Variants in ASPSCR1 observed in about 807,000 individuals in gnomAD.
ASPSCR1 encodes ASPSCR1 tether for SLC2A4, UBX domain containing.
In ASPSCR1, 55 loss-of-function variants were observed where a neutral mutation model predicts 68.9. That is an observed-to-expected ratio of 0.80 (90% CI 0.64 to 1.00). ASPSCR1 has a LOEUF of 1.00. Among genes scored for constraint, ASPSCR1 ranks in the 50% least tolerant of loss-of-function variants. The pLI, the probability that ASPSCR1 is intolerant of heterozygous loss-of-function variation, is 0.00. For synonymous variants in ASPSCR1, 352 were observed against 332.6 expected, an observed-to-expected ratio of 1.06 and a Z score of -0.63; for missense variants, 765 against 762.2, an observed-to-expected ratio of 1.00 and a Z score of -0.04.
intron 1 of ASPSCR1, chr17:81,978,939 ACT>A: frequency 1.7e-6 from 1 of 577,040 alleles, no homozygotes; most frequent in Non-Finnish European, 3.1e-6. Flanking sequence ...CTGCAGGGGA[ACT>A]CTGAGTGGAG....
intron 4 of ASPSCR1, among the ~76,000 whole-genome samples, chr17:81,989,679 C>T (rs1174792749): frequency 6.6e-6 from 1 of 152,154 alleles, no homozygotes; most frequent in African/African-American, 2.4e-5. Flanking sequence ...TGGACACTGC[C>T]ACGTGTTTGA....
At chr17:82,011,440 C>G in intron 10 of ASPSCR1, 103 bp from the exon 11 acceptor site, 2 of 1,141,790 alleles carry the variant, frequency 1.8e-6, no homozygotes, top group Non-Finnish European at 2.5e-6. Context: ...TCCCACCCCT[C>G]GGGGAAAGGC....
At chr17:82,005,697 G>A (rs2042689553) in intron 7 of ASPSCR1, 1 of 152,294 alleles carries the variant, frequency 6.6e-6, no homozygotes, top group African/African-American at 2.4e-5. Flanking sequence ...ATGGCATCCA[G>A]TTGCCTCCTC....
At chr17:82,008,848 G>C in intron 7 of ASPSCR1, 189 bp from the exon 8 acceptor site, 1 of 709,522 alleles carries the variant, frequency 1.4e-6, no homozygotes, top group Non-Finnish European at 2.1e-6. Flanking sequence ...TGAGTGGGGT[G>C]GGGTCCCCCA....
rs577280798 is a variant in ASPSCR1, at chr17:81,993,275, G to A, written c.375-1546G>A. Among the ~76,000 whole-genome samples the A allele has an allele frequency of 1.2e-3, 189 of 152,070 alleles. 1 individual carries two copies. The highest frequency in any genetic ancestry group is 4.3e-3 in the African/African-American group (180 of 41,474). On this transcript the variant is annotated intron_variant, in intron 4 of 15. Transcript: ENST00000306739. ...GTCGCCCAGGCTGGAGTGCAGTGGC[G>A]CGATCTCGGCTCACTGCAAGCTCCA...
intron 4 of ASPSCR1, 66 bp downstream of exon 4, chr17:81,985,673 G>T: frequency 6.6e-7 from 1 of 1,519,018 alleles, no homozygotes; most frequent in Non-Finnish European, 9.1e-7. Flanking sequence ...GTGGTTACTG[G>T]GTCTGGTTCA....
chr17:81,979,966 T>C (rs1279588035), intron 2 of ASPSCR1, among the ~76,000 whole-genome samples: 1 of 152,082 alleles, frequency 6.6e-6, no homozygotes, highest in Non-Finnish European at 1.5e-5. Context: ...TAAAGTCCTG[T>C]TTTCTGGTGT....
chr17:81,998,558 C>T (rs2042430974), intron 7 of ASPSCR1, among the ~76,000 whole-genome samples: 1 of 152,176 alleles, frequency 6.6e-6, no homozygotes, highest in Non-Finnish European at 1.5e-5. Flanking sequence ...CTTTATCAAG[C>T]AGAGAAAGTT....
chr17:81,993,726 C>A (rs187860638), intron 4 of ASPSCR1, among the ~76,000 whole-genome samples: 1 of 152,260 alleles, frequency 6.6e-6, no homozygotes, highest in Non-Finnish European at 1.5e-5. Context: ...CCCCCCATCC[C>A]GGAGGGTTGC....
At chr17:81,989,727 C>T (rs546182001) in intron 4 of ASPSCR1, among the ~76,000 whole-genome samples, 4 of 152,322 alleles carry the variant, frequency 2.6e-5, no homozygotes, top group African/African-American at 4.8e-5. Context: ...CACTGTAGCA[C>T]GCAGCCCTGG....
rs1598386865 is a variant in ASPSCR1, at chr17:81,983,753, T to C, written c.273+85T>C. On this transcript the variant is annotated intron_variant, in intron 3 of 15. Coordinates refer to ENST00000306739, the MANE Select transcript of ASPSCR1 (RefSeq NM_024083.4). The surrounding 1 kb of genome is among the most constrained non-coding windows in gnomAD (Gnocchi z 4.4). The stretch of plus-strand genomic sequence containing the variant: ...GGACGGGGGACGGGACAGTGGGGGG[T>C]GCTGGGGAAGGAGGGACATGAGTCT... 1.7e-6 allele frequency: 2 copies of C among 1,168,252 alleles called. No homozygotes were observed. The highest frequency in any genetic ancestry group is 1.5e-5 in the African/African-American group (1 of 64,694). The allele number at this position is 1,168,252 out of a possible 1,614,324, so 72.4% of individuals were successfully genotyped here.
chr17:82,012,288 C>T lies in ASPSCR1; in HGVS notation c.1353+5C>T. 1.2e-6 allele frequency: 2 copies of T among 1,613,204 alleles called. No homozygotes were observed. The highest frequency in any genetic ancestry group is 1.7e-6 in the Non-Finnish European group (2 of 1,179,756). On this transcript the variant is annotated splice_donor_5th_base_variant and intron_variant, in intron 12 of 15. Transcript: ENST00000306739. ...CACACGCAGACCCTCTTTCAGGTAC[C>T]TGAGGGCCTCCCTGGGGTGCTGCGG...
chr17:81,983,907 G>A lies in ASPSCR1; in HGVS notation c.273+239G>A, dbSNP rs2041879388. On this transcript the variant is annotated intron_variant, in intron 3 of 15. Coordinates refer to ENST00000306739, the MANE Select transcript of ASPSCR1 (RefSeq NM_024083.4). This position sits in a 1 kb window ranked among gnomAD's most constrained non-coding sequence, Gnocchi z 4.4. ...GAGTCTCGCTCTGTCGCCCAGGCTG[G>A]AGCTCAGTGGCGCAGTCTCGGCTCA... 1.3e-5 allele frequency among the ~76,000 whole-genome samples: 2 copies of A among 151,656 alleles called. No homozygotes were observed. The highest frequency in any genetic ancestry group is 4.8e-5 in the African/African-American group (2 of 41,246).
chr17:81,988,148 CAAAAA>C (rs756745360), intron 4 of ASPSCR1, among the ~76,000 whole-genome samples: 1 of 98,018 alleles, frequency 1.0e-5, no homozygotes. Context: ...GACTCTGTCT[CAAAAA>C]AAAAAAAAAA....
At chr17:81,994,772 T>G (rs771150836) in intron 4 of ASPSCR1, 49 bp from the exon 5 acceptor site, 1 of 1,588,242 alleles carries the variant, frequency 6.3e-7, no homozygotes, top group South Asian at 1.1e-5. Flanking sequence ...TCCGTGGCAC[T>G]GGTTGAGCTG....
intron 7 of ASPSCR1, among the ~76,000 whole-genome samples, chr17:82,001,715 G>A (rs377083417): frequency 6.6e-6 from 1 of 152,164 alleles, no homozygotes; most frequent in Non-Finnish European, 1.5e-5. Flanking sequence ...TCTCCTCCCC[G>A]TTGGGCCCAA....
rs1283862853 is a variant in ASPSCR1 at position 81,986,667 on chromosome 17, G to T, written c.374+1060G>T. 6.6e-6 allele frequency among the ~76,000 whole-genome samples: 1 copy of T among 151,540 alleles called. No individual in the cohort carries two copies. The highest frequency in any genetic ancestry group is 1.9e-4 in the East Asian group (1 of 5,184). ...CCCGGGCCTCAGTTTCCTCACCTGT[G>T]CCCCGGCTGGTGTGTGGATGGGGTG... On this transcript the variant is annotated intron_variant, in intron 4 of 15. Transcript: ENST00000306739. The surrounding 1 kb of genome is among the most constrained non-coding windows in gnomAD (Gnocchi z 5.2).
At chr17:81,998,998 G>A (rs1219268268) in intron 7 of ASPSCR1, among the ~76,000 whole-genome samples, 1 of 152,256 alleles carries the variant, frequency 6.6e-6, no homozygotes, top group African/African-American at 2.4e-5. Context: ...CCCTGGCCCT[G>A]TGGCTGACTT....
At chr17:81,985,260 G>A (rs962059825) in intron 3 of ASPSCR1, among the ~76,000 whole-genome samples, 3 of 151,290 alleles carry the variant, frequency 2.0e-5, no homozygotes, top group East Asian at 2.0e-4. Flanking sequence ...ATGCACACAC[G>A]CACGCACACC....
Sources: allele counts gnomAD v4.1 joint callset (sites outside exome capture counted in the v4.1 genomes callset), GRCh38; gene constraint gnomAD v4.1.1; non-coding constraint Gnocchi (gnomAD v3.1); transcripts MANE v1.5; gene names NCBI Gene and HGNC (gene_info 2026-07-23, HGNC 2026-07-21).